The following CRMP1 variants were observed in gnomAD, a reference collection of about 807,000 sequenced individuals.
CRMP1 encodes collapsin response mediator protein 1, also known as dihydropyrimidinase-related protein 1.
In CRMP1, 19 loss-of-function variants were observed where a neutral mutation model predicts 68.3. The observed-to-expected ratio is 0.28, with a 90% CI of 0.19 to 0.41. The LOEUF is 0.41. Ranked by LOEUF, CRMP1 falls within the 10% of genes least tolerant of loss-of-function variation. The pLI is 1.00. For missense variants in CRMP1, 791 were observed against 967.4 expected, an observed-to-expected ratio of 0.82 and a Z score of 2.42; for synonymous variants, 439 against 399.6, an observed-to-expected ratio of 1.10 and a Z score of -1.18.
rs1430785293 is a variant in CRMP1, at chr4:5,870,936, C to T, written c.382-4180G>A. On this transcript the variant is annotated intron_variant, in intron 1 of 13. Transcript: ENST00000324989. The surrounding 1 kb of genome is among the most constrained non-coding windows in gnomAD (Gnocchi z 6.0). ...AGCAGCTGGTGCATGGCTTCCGGAA[C>T]ACGGCCGCCCCGCAGGCACCCGTCT... Among the ~76,000 whole-genome samples, 1 of 152,174 alleles carries T rather than the reference C, an allele frequency of 6.6e-6. No homozygotes were observed. The highest frequency in any genetic ancestry group is 1.5e-5 in the Non-Finnish European group (1 of 68,032).
At position 5,892,484 on chromosome 4, in the gene CRMP1, C is replaced by T; in HGVS notation, c.381+105G>A. ...CCGTGGCTCTCCCCAGCCTGGCGGC[C>T]GCTGCCCCAACACCGGGGCCCGGGC... On this transcript the variant is annotated intron_variant, in intron 1 of 13. Transcript: ENST00000324989. The surrounding 1 kb of genome is among the most constrained non-coding windows in gnomAD (Gnocchi z 8.6). 9.2e-7 allele frequency: 1 copy of T among 1,085,990 alleles called. No homozygotes were observed. The highest frequency in any genetic ancestry group is 1.1e-6 in the Non-Finnish European group (1 of 882,870). 67.3% of individuals were successfully genotyped at this position (1,085,990 alleles called of 1,614,324 possible). A position where few individuals can be genotyped will look rare whatever the true frequency, so the allele number is the denominator to read the frequency against.
rs112348948 is a variant in CRMP1, at chr4:5,858,510, G to T, written c.656-2203C>A. ...CTTTCCCTCACATGCCCCCGTGTGTGACCCAGCACCGAAGGCTGTTGACTG... is the reference window on the plus strand; with the variant it reads ...CTTTCCCTCACATGCCCCCGTGTGTTACCCAGCACCGAAGGCTGTTGACTG... On this transcript the variant is annotated intron_variant, in intron 3 of 13. Transcript: ENST00000324989. This position sits in a 1 kb window ranked among gnomAD's most constrained non-coding sequence, Gnocchi z 5.5. Among the ~76,000 whole-genome samples the T allele has an allele frequency of 4.2e-3, 646 of 152,158 alleles. 3 individuals carry two copies. Among genetic ancestry groups the T allele is most frequent in the African/African-American group, 0.015 (628 of 41,512 alleles).
At position 5,855,591 on chromosome 4, in the gene CRMP1, G is replaced by C. The variant is rs992190986; in HGVS notation, c.820+552C>G. 1.3e-5 allele frequency among the ~76,000 whole-genome samples: 2 copies of C among 152,200 alleles called. No homozygotes were observed. Among genetic ancestry groups the C allele is most frequent in the African/African-American group, 4.8e-5 (2 of 41,442 alleles). On this transcript the variant is annotated intron_variant, in intron 4 of 13. Transcript: ENST00000324989. This position sits in a 1 kb window ranked among gnomAD's most constrained non-coding sequence, Gnocchi z 4.9. ...GTGGTCCCCTCCCTCACAGAGCTCA[G>C]GGTTTGGCAGAAGAGCCAGACAGAC...
Position 5,821,932 on chromosome 4 carries a change from CA to C in CRMP1, c.1970-82del. On this transcript the variant is annotated intron_variant, in intron 13 of 13. Coordinates refer to ENST00000324989, the MANE Select transcript of CRMP1 (RefSeq NM_001014809.3). This position sits in a 1 kb window ranked among gnomAD's most constrained non-coding sequence, Gnocchi z 4.4. ...TGCTCCTGGAGGCCATGTACTCTGC[CA>C]TGCACTCCACTGGACCCACCTTCAT... 9.0e-7 allele frequency: 1 copy of C among 1,113,786 alleles called. No homozygotes were observed. The highest frequency in any genetic ancestry group is 2.3e-5 in the Admixed American group (1 of 44,238). The allele number at this position is 1,113,786 out of a possible 1,614,324, so 69.0% of individuals were successfully genotyped here. A position where few individuals can be genotyped will look rare whatever the true frequency, so the allele number is the denominator to read the frequency against.
intron 9 of CRMP1, among the ~76,000 whole-genome samples, 198 bp downstream of exon 9, chr4:5,839,324 G>A (rs976729224): frequency 1.3e-5 from 2 of 152,206 alleles, no homozygotes; most frequent in South Asian, 2.1e-4. Flanking sequence ...GATGTGAATG[G>A]AACAGTCACT....
chr4:5,845,385 G>A (rs756163896), intron 6 of CRMP1, among the ~76,000 whole-genome samples: 36 of 152,220 alleles, frequency 2.4e-4, no homozygotes, highest in African/African-American at 5.5e-4. Flanking sequence ...AAGCCGCCTC[G>A]CTGGGGCTGC....
intron 10 of CRMP1, 42 bp downstream of exon 10, chr4:5,836,723 A>G (rs1720752383): frequency 6.2e-7 from 1 of 1,613,002 alleles, no homozygotes; most frequent in African/African-American, 1.3e-5. Flanking sequence ...CAGGGCAGGT[A>G]GAGTGTTTCT....
At chr4:5,845,332 C>G (rs116501391) in intron 6 of CRMP1, among the ~76,000 whole-genome samples, 1 of 152,212 alleles carries the variant, frequency 6.6e-6, no homozygotes, top group Non-Finnish European at 1.5e-5. Flanking sequence ...CTCTGGCTTC[C>G]GACCTGCTCA....
In CRMP1 at chr4:5,889,147, C is replaced by T. The variant is rs563240482; in HGVS notation, c.381+3442G>A. ...CCACCCTCTCCATCCTAGCATTGAA[C>T]CAGCCCTCCCTGGGGGCCTCTAAGG... On this transcript the variant is annotated intron_variant, in intron 1 of 13. Coordinates refer to ENST00000324989, the MANE Select transcript of CRMP1 (RefSeq NM_001014809.3). The surrounding 1 kb of genome is among the most constrained non-coding windows in gnomAD (Gnocchi z 4.5). 9.2e-5 allele frequency among the ~76,000 whole-genome samples: 14 copies of T among 152,268 alleles called. No homozygotes were observed. The South Asian group carries it at 2.7e-3, about 29-fold the overall frequency.
chr4:5,852,820 G>A (rs1577792416), intron 4 of CRMP1, among the ~76,000 whole-genome samples: 1 of 152,230 alleles, frequency 6.6e-6, no homozygotes, highest in South Asian at 2.1e-4. Context: ...GGTTGCATCT[G>A]TCAGGGGGCT....
Position 5,866,312 on chromosome 4 carries a change from C to T in CRMP1, c.470+356G>A, listed in dbSNP as rs1485822443. Among the ~76,000 whole-genome samples the T allele has an allele frequency of 6.6e-6, 1 of 152,204 alleles. No individual in the cohort carries two copies. Among genetic ancestry groups the T allele is most frequent in the Admixed American group, 6.5e-5 (1 of 15,284 alleles). On this transcript the variant is annotated intron_variant, in intron 2 of 13. Coordinates refer to ENST00000324989, the MANE Select transcript of CRMP1 (RefSeq NM_001014809.3). The surrounding 1 kb of genome is among the most constrained non-coding windows in gnomAD (Gnocchi z 5.9). ...AGTTGTCTCAGGGTGGAATCCGGGC[C>T]TTGACCCTAACTCACCCCGTCATAT... is the stretch of plus-strand genomic sequence containing the variant.
rs74398532 is a variant in CRMP1 at position 5,866,003 on chromosome 4, C to T, written c.470+665G>A. ...ACCCTGACGGCAGCTTGATCCGGGA[C>T]TTCCAGCCTCCAGAACTATGAGAAA... On this transcript the variant is annotated intron_variant, in intron 2 of 13. Coordinates refer to ENST00000324989, the MANE Select transcript of CRMP1 (RefSeq NM_001014809.3). This position sits in a 1 kb window ranked among gnomAD's most constrained non-coding sequence, Gnocchi z 5.9. 0.021 allele frequency among the ~76,000 whole-genome samples: 3,257 copies of T among 152,280 alleles called. 97 individuals carry two copies. The highest frequency in any genetic ancestry group is 0.068 in the African/African-American group (2,820 of 41,560).
intron 6 of CRMP1, among the ~76,000 whole-genome samples, chr4:5,848,487 C>G (rs763463480): frequency 3.9e-5 from 6 of 152,160 alleles, no homozygotes; most frequent in Non-Finnish European, 5.9e-5. Context: ...GCCACAACTC[C>G]CAGCTTTCAT....
In CRMP1 at chr4:5,828,648, G is replaced by A. The variant is rs368659492; in HGVS notation, c.1644C>T (p.Phe548=). The change falls in exon 12 of 14, where the codon TTC becomes TTT. Residue 548 remains phenylalanine (F), a synonymous_variant. Coordinates refer to ENST00000324989, the MANE Select transcript of CRMP1 (RefSeq NM_001014809.3). ...SHKSAVEYNI[F]EGMECHGSPL... ...GGGAGCCGTGGCACTCCATACCCTC[G>A]AAGATGTTGTACTCCACCGCCTGCA... 21 of 1,614,098 alleles carry A rather than the reference G, an allele frequency of 1.3e-5. No homozygotes were observed. Among genetic ancestry groups the A allele is most frequent in the African/African-American group, 6.7e-5 (5 of 75,040 alleles).
Position 5,859,969 on chromosome 4 carries a change from G to A in CRMP1, c.655+1057C>T, listed in dbSNP as rs368122994. ...AACTGTGGCCTATTTAATTAAAATT[G>A]CTTATTAAAATGAATCCAAGCAAAA... On this transcript the variant is annotated intron_variant, in intron 3 of 13. Transcript: ENST00000324989. The surrounding 1 kb of genome is among the most constrained non-coding windows in gnomAD (Gnocchi z 5.2). Among the ~76,000 whole-genome samples, 1 of 152,018 alleles carries A rather than the reference G, an allele frequency of 6.6e-6. No individual in the cohort carries two copies. The highest frequency in any genetic ancestry group is 1.5e-5 in the Non-Finnish European group (1 of 68,006).
At chr4:5,867,661 T>G (rs1714093859) in intron 1 of CRMP1, among the ~76,000 whole-genome samples, 1 of 152,008 alleles carries the variant, frequency 6.6e-6, no homozygotes, top group African/African-American at 2.4e-5. Context: ...TTCAGGGGGT[T>G]GACAGATGGA....
intron 3 of CRMP1, among the ~76,000 whole-genome samples, chr4:5,857,624 A>C (rs181068865): frequency 3.9e-5 from 6 of 152,342 alleles, no homozygotes; most frequent in Admixed American, 3.9e-4. Context: ...GTAAAGTGAA[A>C]ATTAATATAC....
In CRMP1 at chr4:5,827,979, C is replaced by T. The variant is rs182356071; in HGVS notation, c.1803+510G>A. The stretch of plus-strand genomic sequence containing the variant: ...AAGGTTGTTCAAGGAAAATAAGGAA[C>T]GACAGGGCAGAAACGTCAAGGGAGG... On this transcript the variant is annotated intron_variant, in intron 12 of 13. Transcript: ENST00000324989. 6,664 of 944,978 alleles carry T rather than the reference C, an allele frequency of 7.1e-3. 23 individuals are homozygous for T. The highest frequency in any genetic ancestry group is 7.6e-3 in the Non-Finnish European group (6,050 of 793,140). 58.5% of individuals were successfully genotyped at this position (944,978 alleles called of 1,614,324 possible).
At chr4:5,884,468 ACAC>A (rs1480370710) in intron 1 of CRMP1, among the ~76,000 whole-genome samples, 7 of 136,906 alleles carry the variant, frequency 5.1e-5, no homozygotes, top group African/African-American at 1.5e-4. Flanking sequence ...GCACTCACAC[ACAC>A]AACTATGCAT....
Sources: allele counts gnomAD v4.1 joint callset (sites outside exome capture counted in the v4.1 genomes callset), GRCh38; gene constraint gnomAD v4.1.1; non-coding constraint Gnocchi (gnomAD v3.1); transcripts MANE v1.5; gene names NCBI Gene and HGNC (gene_info 2026-07-23, HGNC 2026-07-21).